Variants in SEL1L3 observed in about 807,000 individuals in gnomAD.
The protein encoded by SEL1L3 is SEL1L family member 3, also known as protein sel-1 homolog 3.
A neutral mutation model predicts 142.8 loss-of-function variants in SEL1L3; 76 were observed. The observed-to-expected ratio is 0.53, with a 90% CI of 0.44 to 0.64. The LOEUF is 0.64. Ranked by LOEUF, SEL1L3 falls within the 30% of genes least tolerant of loss-of-function variation. The pLI, the probability that SEL1L3 is intolerant of heterozygous loss-of-function variation, is 0.00. For synonymous variants in SEL1L3, 504 were observed against 519.6 expected (o/e 0.97, Z 0.41); for missense variants, 1,262 against 1,381.7 (o/e 0.91, Z 1.37).
At chr4:25,853,037 T>C (rs551994265) in intron 1 of SEL1L3, among the ~76,000 whole-genome samples, 20 of 152,318 alleles carry the variant, frequency 1.3e-4, no homozygotes, top group African/African-American at 4.8e-4. Context: ...TGAGTGTGGT[T>C]TCAGTTTTGT....
Position 25,831,061 on chromosome 4 carries a change from C to A in SEL1L3, c.1099-905G>T, listed in dbSNP as rs556443894. Among the ~76,000 whole-genome samples, 20 of 152,146 alleles carry A rather than the reference C, an allele frequency of 1.3e-4. No homozygotes were observed. In the East Asian group the frequency reaches 3.5e-3, roughly 26 times the overall value. On this transcript the variant is annotated intron_variant, in intron 5 of 23. Transcript: ENST00000399878. ...ACAAATGGGCTAAAGTCTACACACA[C>A]CAAAAAAAATTTTTTGCCCCCACTT...
intron 16 of SEL1L3, chr4:25,776,594 G>T (rs1719646554): frequency 4.3e-6 from 2 of 467,700 alleles, no homozygotes; most frequent in Admixed American, 3.6e-5. Context: ...ACAAAGACAT[G>T]TAAGATACAT....
chr4:25,778,395 G>A (rs1480234502), intron 16 of SEL1L3, among the ~76,000 whole-genome samples: 1 of 151,972 alleles, frequency 6.6e-6, no homozygotes, highest in Admixed American at 6.6e-5. Flanking sequence ...AGGAGAATTT[G>A]GAGATCAAAT....
Position 25,847,335 on chromosome 4 carries a change from T to C in SEL1L3, c.692A>G (p.Asn231Ser), listed in dbSNP as rs901804204. ...CTGTGGAATCCTGTTTGCCCGAAGG[T>C]TCCAAATATAACCCATGTTCCACTC... Reference protein sequence around the residue: ...CLEWNMGYIWNLRANRIPQCP... With the variant: ...CLEWNMGYIWSLRANRIPQCP... Residue 231 changes from asparagine to serine, a missense_variant, in exon 2 of 24, where the codon AAC becomes AGC. Coordinates refer to ENST00000399878, the MANE Select transcript of SEL1L3 (RefSeq NM_015187.5). The C allele has an allele frequency of 6.2e-7, 1 of 1,613,868 alleles. No individual in the cohort carries two copies. The highest frequency in any genetic ancestry group is 2.2e-5 in the East Asian group (1 of 44,872).
chr4:25,802,474 A>T lies in SEL1L3; in HGVS notation c.1777-12T>A, dbSNP rs751041759. ...CTATACAACATGCCCTGTTAGGAAG[A>T]AATTGACAAAGCGTTCATGAGATTG... is the stretch of plus-strand genomic sequence containing the variant. On this transcript the variant is annotated splice_polypyrimidine_tract_variant and intron_variant, in intron 10 of 23. Transcript: ENST00000399878. 6.2e-7 allele frequency: 1 copy of T among 1,606,044 alleles called. No individual in the cohort carries two copies. Among genetic ancestry groups the T allele is most frequent in the Admixed American group, 1.7e-5 (1 of 59,108 alleles).
At chr4:25,829,663 T>G (rs1215706089) in intron 6 of SEL1L3, among the ~76,000 whole-genome samples, 1 of 152,230 alleles carries the variant, frequency 6.6e-6, no homozygotes, top group East Asian at 1.9e-4. Flanking sequence ...TATCAATAGT[T>G]GCATACATTT....
At chr4:25,769,168 C>T (rs1215691468) in intron 17 of SEL1L3, among the ~76,000 whole-genome samples, 2 of 151,944 alleles carry the variant, frequency 1.3e-5, no homozygotes, top group East Asian at 1.9e-4. Flanking sequence ...GTTTAGGAAA[C>T]GGTGGGGAAA....
chr4:25,765,752 C>T (rs558518575), intron 19 of SEL1L3, among the ~76,000 whole-genome samples: 223 of 152,266 alleles, frequency 1.5e-3, no homozygotes, highest in African/African-American at 5.0e-3. Context: ...GATCCTTCCA[C>T]CTCAGCCTCC....
intron 2 of SEL1L3, among the ~76,000 whole-genome samples, chr4:25,840,531 G>A (rs1716104606): frequency 6.6e-6 from 1 of 152,058 alleles, no homozygotes; most frequent in African/African-American, 2.4e-5. Flanking sequence ...TTTTTGAAAC[G>A]AAAAGAGTGG....
rs749558708 is a variant in SEL1L3, at chr4:25,748,433, G to A, written c.3391C>T (p.Arg1131Cys). ...GAACTGGAGTGCACAGTTCACCCAC[G>A]TGGCTCCGGGTTATTAGTTACTGTG... Reference protein sequence around the residue: ...QPTVTNNPEPRG With the variant: ...QPTVTNNPEPCG Residue 1131 changes from arginine (R) to cysteine (C), a missense_variant, in exon 24 of 24, where the codon CGT becomes TGT. Physicochemically the swap from Arg to Cys is radical, Grantham distance 180. This residue lies in a region of SEL1L3 where 138 missense variants were observed against 129.7 expected (regional missense o/e 1.06). Coordinates refer to ENST00000399878, the MANE Select transcript of SEL1L3 (RefSeq NM_015187.5). 16 of 1,609,054 alleles carry A rather than the reference G, an allele frequency of 9.9e-6. No individual in the cohort carries two copies. The highest frequency in any genetic ancestry group is 3.4e-5 in the Admixed American group (2 of 59,210).
intron 6 of SEL1L3, among the ~76,000 whole-genome samples, chr4:25,827,164 AC>A (rs1207606741): frequency 6.6e-6 from 1 of 152,180 alleles, no homozygotes; most frequent in African/African-American, 2.4e-5. Context: ...TTAATATGTT[AC>A]TTATCATGAT....
chr4:25,763,865 A>G (rs1464392175), intron 20 of SEL1L3, among the ~76,000 whole-genome samples: 1 of 152,154 alleles, frequency 6.6e-6, no homozygotes, highest in Non-Finnish European at 1.5e-5. Flanking sequence ...AGCAACAACA[A>G]AAAAATCCCA....
the SEL1L3 span, among the ~76,000 whole-genome samples, chr4:25,739,935 A>G: frequency 6.6e-6 from 1 of 151,470 alleles, no homozygotes; most frequent in African/African-American, 2.4e-5. Context: ...TTCATTCATC[A>G]ATGTATTTTT....
chr4:25,739,281 G>A, the SEL1L3 span, among the ~76,000 whole-genome samples: 966 of 152,240 alleles, frequency 6.3e-3, 7 homozygotes, highest in Middle Eastern at 0.034. Context: ...ACAACTGAGT[G>A]GGTGCTACTG....
At chr4:25,833,654 G>T in intron 3 of SEL1L3, 85 bp from the exon 4 acceptor site, 1 of 1,243,198 alleles carries the variant, frequency 8.0e-7, no homozygotes. Flanking sequence ...CAAGTAAATT[G>T]CTTTCTTTCC....
chr4:25,862,305 T>TG (rs1717769321), intron 1 of SEL1L3, among the ~76,000 whole-genome samples: 2 of 14,614 alleles, frequency 1.4e-4, no homozygotes, highest in Non-Finnish European at 2.7e-4. Context: ...CCAGGAGGGG[T>TG]GGGGGGTTGG....
At position 25,847,848 on chromosome 4, in the gene SEL1L3, A is replaced by G; in HGVS notation, c.179T>C (p.Leu60Ser). The change falls in exon 2 of 24, where the codon TTG becomes TCG. Residue 60 changes from leucine (L) to serine (S), a missense_variant. This residue lies in a region of SEL1L3 where 689 missense variants were observed against 692.8 expected (regional missense o/e 0.99). Transcript: ENST00000399878. Reference protein sequence around the residue: ...LLCYLNVVPSLGRQTSLTTSV... With the variant: ...LLCYLNVVPSSGRQTSLTTSV... ...TGTCGTCAGGGAAGTCTGCCTACCC[A>G]AAGATGGTACAACATTCTGAAAAAA... 1 of 1,568,476 alleles carries G rather than the reference A, an allele frequency of 6.4e-7. No homozygotes were observed. Among genetic ancestry groups the G allele is most frequent in the Non-Finnish European group, 8.6e-7 (1 of 1,160,900 alleles).
In SEL1L3 at chr4:25,842,363, G is replaced by C. The variant is rs577499158; in HGVS notation, c.733+4931C>G. On this transcript the variant is annotated intron_variant, in intron 2 of 23. Transcript: ENST00000399878. ...AAGCAGACATGGAAAGTGGCAGTGG[G>C]GGGCGGTGTTGCTTCGTGGGCAGGG... Among the ~76,000 whole-genome samples, 180 of 152,130 alleles carry C rather than the reference G, an allele frequency of 1.2e-3. 2 individuals are homozygous for C. Among genetic ancestry groups the C allele is most frequent in the Middle Eastern group, 3.4e-3 (1 of 294 alleles).
intron 23 of SEL1L3, among the ~76,000 whole-genome samples, chr4:25,754,745 G>A (rs1717842472): frequency 6.6e-6 from 1 of 152,040 alleles, no homozygotes; most frequent in African/African-American, 2.4e-5. Context: ...ACTAGAATCT[G>A]CATTTAATAA....
Sources: gnomAD v4.1 joint callset for allele counts (sites outside exome capture counted in the v4.1 genomes callset) on GRCh38, gnomAD v4.1.1 for gene constraint, gnomAD v4.1.1 regional missense constraint, MANE v1.5 for transcripts, NCBI Gene and HGNC (gene_info 2026-07-23, HGNC 2026-07-21) for gene names.